The following RAB39A variants were observed in gnomAD, a reference collection of about 807,000 sequenced individuals.
RAB39A encodes the protein ras-related protein Rab-39A.
RAB39A carries 17 observed loss-of-function variants against 20.9 expected under a neutral mutation model. The observed-to-expected ratio is 0.81, with a 90% CI of 0.56 to 1.22. RAB39A has a LOEUF of 1.22. Among genes scored for constraint, RAB39A ranks in the 50% most tolerant of loss-of-function variants. RAB39A has a pLI of 0.00. For missense variants in RAB39A, 234 were observed against 270.5 expected (o/e 0.87, Z 0.95); for synonymous variants, 99 against 103.4 (o/e 0.96, Z 0.26).
chr11:107,946,789 A>T lies in RAB39A; in HGVS notation c.228-15157A>T, dbSNP rs183526029. ...GCGCCCAGCCGATACTATTTTTTTTAAAAAAAAGATTATTCTGTCTGGGCA... is the reference window on the plus strand; with the variant it reads ...GCGCCCAGCCGATACTATTTTTTTTTAAAAAAAGATTATTCTGTCTGGGCA... On this transcript the variant is annotated intron_variant, in intron 1 of 1. Coordinates refer to ENST00000320578, the MANE Select transcript of RAB39A (RefSeq NM_017516.3). Among the ~76,000 whole-genome samples, 962 of 150,360 alleles carry T rather than the reference A, an allele frequency of 6.4e-3. 5 individuals carry two copies. The highest frequency in any genetic ancestry group is 0.018 in the African/African-American group (744 of 41,094).
At chr11:107,945,397 T>C (rs1006661798) in intron 1 of RAB39A, among the ~76,000 whole-genome samples, 3 of 151,166 alleles carry the variant, frequency 2.0e-5, no homozygotes, top group Non-Finnish European at 2.9e-5. Context: ...AGCTTTTTTT[T>C]CCCCCTGAAA....
At chr11:107,954,014 G>A (rs1861408548) in intron 1 of RAB39A, among the ~76,000 whole-genome samples, 1 of 152,172 alleles carries the variant, frequency 6.6e-6, no homozygotes, top group South Asian at 2.1e-4. Context: ...CAATGTGTAG[G>A]ATACCATGAC....
Position 107,962,392 on chromosome 11 carries a change from C to A in RAB39A, c.*20C>A, listed in dbSNP as rs1861507327. The A allele has an allele frequency of 6.4e-7, 1 of 1,570,002 alleles. No individual in the cohort carries two copies. The highest frequency in any genetic ancestry group is 8.7e-7 in the Non-Finnish European group (1 of 1,154,272). ...TGCTGACTTCAAACATGCTGAAGAA[C>A]TAACAGGAACAGATTGGGTGTCAGT... On this transcript the variant is annotated 3_prime_UTR_variant, in exon 2 of 2. Coordinates refer to ENST00000320578, the MANE Select transcript of RAB39A (RefSeq NM_017516.3).
chr11:107,929,035 C>T (rs1329926458), intron 1 of RAB39A, among the ~76,000 whole-genome samples: 1 of 151,886 alleles, frequency 6.6e-6, no homozygotes, highest in African/African-American at 2.4e-5. Context: ...TCCATCTTTC[C>T]TTTCCCGCCT....
At chr11:107,949,948 G>A (rs1591246979) in intron 1 of RAB39A, among the ~76,000 whole-genome samples, 2 of 151,718 alleles carry the variant, frequency 1.3e-5, no homozygotes, top group East Asian at 1.9e-4. Context: ...CGAGGCGGGC[G>A]TATTACAAGG....
Position 107,930,352 on chromosome 11 carries a change from T to C in RAB39A, c.227+1557T>C, listed in dbSNP as rs556731007. Among the ~76,000 whole-genome samples, 131 of 152,312 alleles carry C rather than the reference T, an allele frequency of 8.6e-4. 1 individual carries two copies. Among genetic ancestry groups the C allele is most frequent in the African/African-American group, 2.9e-3 (122 of 41,574 alleles). ...TTCCAGTTTTACCATTCTAAGTTGA[T>C]TGCCAATTCCTTCACATGTGATCTC... is the stretch of plus-strand genomic sequence containing the variant. On this transcript the variant is annotated intron_variant, in intron 1 of 1. Transcript: ENST00000320578.
chr11:107,943,961 G>T (rs961098776), intron 1 of RAB39A, among the ~76,000 whole-genome samples: 1 of 152,094 alleles, frequency 6.6e-6, no homozygotes, highest in Non-Finnish European at 1.5e-5. Context: ...TGGACATGGT[G>T]GCAGTTGCCT....
At position 107,937,817 on chromosome 11, in the gene RAB39A, G is replaced by A. The variant is rs1245753123; in HGVS notation, c.227+9022G>A. ...CTCTGAGCCTCTTATTCAAACTCTT[G>A]AAAGAAAAAATATCTCATTGACTAC... On this transcript the variant is annotated intron_variant, in intron 1 of 1. Transcript: ENST00000320578. Among the ~76,000 whole-genome samples, 9 of 152,096 alleles carry A rather than the reference G, an allele frequency of 5.9e-5. No individual in the cohort carries two copies. In the South Asian group the frequency reaches 1.0e-3, roughly 18 times the overall value.
At chr11:107,956,583 A>G (rs967141906) in intron 1 of RAB39A, among the ~76,000 whole-genome samples, 2 of 152,182 alleles carry the variant, frequency 1.3e-5, no homozygotes, top group Non-Finnish European at 2.9e-5. Flanking sequence ...TTATGGGGAG[A>G]GGAAGGTTGA....
chr11:107,953,801 G>T (rs939176048), intron 1 of RAB39A, among the ~76,000 whole-genome samples: 3 of 152,126 alleles, frequency 2.0e-5, no homozygotes, highest in African/African-American at 7.2e-5. Context: ...AATTTAGAAT[G>T]TAGACATCCT....
intron 1 of RAB39A, among the ~76,000 whole-genome samples, chr11:107,959,590 A>G (rs941606810): frequency 6.6e-5 from 10 of 152,196 alleles, no homozygotes; most frequent in Admixed American, 5.9e-4. Context: ...TTTTTCAAAA[A>G]TAGCCACTTG....
intron 1 of RAB39A, among the ~76,000 whole-genome samples, chr11:107,947,119 T>G (rs938737471): frequency 2.0e-5 from 3 of 151,936 alleles, no homozygotes; most frequent in African/African-American, 7.3e-5. Context: ...TTTTTTTTTT[T>G]GAGACAGAGT....
intron 1 of RAB39A, among the ~76,000 whole-genome samples, chr11:107,933,901 C>A (rs1273141799): frequency 6.6e-6 from 1 of 151,982 alleles, no homozygotes; most frequent in East Asian, 1.9e-4. Context: ...AGTGATCCAC[C>A]CGCCTCAGCC....
intron 1 of RAB39A, among the ~76,000 whole-genome samples, chr11:107,930,762 A>G (rs759334851): frequency 1.3e-5 from 2 of 151,964 alleles, no homozygotes; most frequent in Non-Finnish European, 2.9e-5. Flanking sequence ...AGGCTGAGGC[A>G]GGAGAATCGC....
chr11:107,946,331 CACACACACACACATATATAT>C (rs1394877202), intron 1 of RAB39A, among the ~76,000 whole-genome samples: 8 of 130,720 alleles, frequency 6.1e-5, no homozygotes, highest in South Asian at 2.3e-4. Flanking sequence ...TATATACACA[CACACACACACACATATATAT>C]ACACACACAC....
At chr11:107,956,794 T>C (rs992349493) in intron 1 of RAB39A, among the ~76,000 whole-genome samples, 3 of 152,126 alleles carry the variant, frequency 2.0e-5, no homozygotes, top group South Asian at 2.1e-4. Flanking sequence ...GATCCAGAGA[T>C]AGAAGTTTCC....
intron 1 of RAB39A, among the ~76,000 whole-genome samples, chr11:107,940,808 TA>T: frequency 6.6e-6 from 1 of 151,960 alleles, no homozygotes; most frequent in East Asian, 1.9e-4. Flanking sequence ...CCATCTCTAC[TA>T]AAATACAAAA....
intron 1 of RAB39A, among the ~76,000 whole-genome samples, chr11:107,930,977 CTTTT>C (rs752665818): frequency 2.8e-5 from 4 of 141,938 alleles, no homozygotes; most frequent in Non-Finnish European, 3.1e-5. Flanking sequence ...TGTTTTTTAA[CTTTT>C]TTTTTTTTTT....
At chr11:107,956,073 AC>A (rs1051132993) in intron 1 of RAB39A, among the ~76,000 whole-genome samples, 3 of 152,186 alleles carry the variant, frequency 2.0e-5, no homozygotes, top group Admixed American at 1.3e-4. Context: ...TAATTTATCC[AC>A]CCCCTCCAAC....
Sources: gnomAD v4.1 joint callset for allele counts (sites outside exome capture counted in the v4.1 genomes callset) on GRCh38, gnomAD v4.1.1 for gene constraint, MANE v1.5 for transcripts, NCBI Gene and HGNC (gene_info 2026-07-23, HGNC 2026-07-21) for gene names.